The following LYPLAL1 variants were observed in gnomAD, a reference collection of about 807,000 sequenced individuals.
LYPLAL1 encodes the protein lysophospholipase like 1.
In LYPLAL1, 23 loss-of-function variants were observed where a neutral mutation model predicts 19.7. The observed-to-expected ratio is 1.17, with a 90% CI of 0.84 to 1.65. LYPLAL1 has a LOEUF of 1.65. LYPLAL1 is among the 40% of genes most tolerant of loss of function. LYPLAL1 has a pLI of 0.00. For missense variants in LYPLAL1, 355 were observed against 279.4 expected (o/e 1.27, Z -1.93); for synonymous variants, 119 against 96.3 (o/e 1.24, Z -1.38).
chr1:219,278,313 G>T, the LYPLAL1 span, among the ~76,000 whole-genome samples: 2 of 152,134 alleles, frequency 1.3e-5, no homozygotes, highest in East Asian at 3.9e-4. Context: ...GGCATCTTAA[G>T]TGGTACACAG....
At chr1:219,232,248 A>G in the LYPLAL1 span, among the ~76,000 whole-genome samples, 5 of 152,232 alleles carry the variant, frequency 3.3e-5, no homozygotes. Flanking sequence ...CTATAACTCA[A>G]CAGTAATGCC....
the LYPLAL1 span, among the ~76,000 whole-genome samples, chr1:219,256,254 T>C: frequency 6.6e-6 from 1 of 151,928 alleles, no homozygotes; most frequent in African/African-American, 2.4e-5. Context: ...TTTAATTTTC[T>C]ATTTATCCTT....
At chr1:219,203,356 A>T (rs1658277734) in intron 3 of LYPLAL1, among the ~76,000 whole-genome samples, 1 of 151,754 alleles carries the variant, frequency 6.6e-6, no homozygotes, top group Non-Finnish European at 1.5e-5. Context: ...TAGCTTGGAC[A>T]GGTCAAAAAT....
At chr1:219,203,325 A>G (rs961774549) in intron 3 of LYPLAL1, among the ~76,000 whole-genome samples, 4 of 150,266 alleles carry the variant, frequency 2.7e-5, no homozygotes, top group Non-Finnish European at 4.4e-5. Context: ...GTGATCTTCT[A>G]CCTTTTCTAG....
chr1:219,413,120 G>A, the LYPLAL1 span, among the ~76,000 whole-genome samples: 1 of 151,920 alleles, frequency 6.6e-6, no homozygotes, highest in African/African-American at 2.4e-5. Context: ...CTCATGTGTT[G>A]AAGAAAAATT....
the LYPLAL1 span, among the ~76,000 whole-genome samples, chr1:219,304,644 G>C: frequency 6.6e-6 from 1 of 152,146 alleles, no homozygotes; most frequent in Non-Finnish European, 1.5e-5. Context: ...ATATAAAGTC[G>C]TGTATAATTA....
At chr1:219,273,830 C>T in the LYPLAL1 span, among the ~76,000 whole-genome samples, 252 of 152,170 alleles carry the variant, frequency 1.7e-3, 2 homozygotes, top group African/African-American at 5.9e-3. Flanking sequence ...GGCAAGATCT[C>T]GGCTCACTGC....
At chr1:219,395,456 A>C in the LYPLAL1 span, among the ~76,000 whole-genome samples, 1 of 151,950 alleles carries the variant, frequency 6.6e-6, no homozygotes, top group Non-Finnish European at 1.5e-5. Context: ...TCCTTTGCCC[A>C]CTTTTTAGTG....
chr1:219,317,259 A>G, the LYPLAL1 span, among the ~76,000 whole-genome samples: 1 of 152,202 alleles, frequency 6.6e-6, no homozygotes, highest in African/African-American at 2.4e-5. Flanking sequence ...TTAGCATGTC[A>G]GCAAGGACTT....
chr1:219,386,146 A>G, the LYPLAL1 span, among the ~76,000 whole-genome samples: 2 of 152,160 alleles, frequency 1.3e-5, no homozygotes, highest in African/African-American at 4.8e-5. Context: ...CTCTAGCTCA[A>G]ATGTAAAATG....
At chr1:219,278,137 T>C in the LYPLAL1 span, among the ~76,000 whole-genome samples, 2 of 152,222 alleles carry the variant, frequency 1.3e-5, no homozygotes, top group African/African-American at 2.4e-5. Context: ...AGGCCCAGAT[T>C]GTTGTGTAAG....
At chr1:219,322,163 A>G in the LYPLAL1 span, among the ~76,000 whole-genome samples, 3 of 152,188 alleles carry the variant, frequency 2.0e-5, no homozygotes, top group Non-Finnish European at 4.4e-5. Flanking sequence ...CAGTACAATT[A>G]TGGCCAGGTT....
chr1:219,194,597 CT>C (rs1657457662), intron 3 of LYPLAL1, among the ~76,000 whole-genome samples: 1 of 151,978 alleles, frequency 6.6e-6, no homozygotes, highest in Non-Finnish European at 1.5e-5. Context: ...TAACTAATAG[CT>C]TTTCAAAGCC....
chr1:219,303,133 G>C, the LYPLAL1 span, among the ~76,000 whole-genome samples: 5 of 152,046 alleles, frequency 3.3e-5, no homozygotes, highest in Admixed American at 1.3e-4. Context: ...ATCTTCCCTA[G>C]GTCTTCCCTT....
chr1:219,401,668 C>A, the LYPLAL1 span, among the ~76,000 whole-genome samples: 1 of 151,974 alleles, frequency 6.6e-6, no homozygotes, highest in Non-Finnish European at 1.5e-5. Context: ...GGTATGCCAG[C>A]AAAATATTAT....
chr1:219,443,055 C>A, the LYPLAL1 span, among the ~76,000 whole-genome samples: 2 of 150,778 alleles, frequency 1.3e-5, no homozygotes, highest in Non-Finnish European at 2.9e-5. Context: ...TAAAATAATG[C>A]TATGCAATTT....
chr1:219,408,512 G>A, the LYPLAL1 span, among the ~76,000 whole-genome samples: 3 of 152,042 alleles, frequency 2.0e-5, no homozygotes, highest in Non-Finnish European at 2.9e-5. Context: ...CCAGAGTCAT[G>A]TTTTCACAGT....
At chr1:219,409,741 C>T in the LYPLAL1 span, 1 of 152,176 alleles carries the variant, frequency 6.6e-6, no homozygotes, top group Non-Finnish European at 1.5e-5. Context: ...TGTTTCCAGC[C>T]AGCAGAAGGG....
chr1:219,241,134 C>CTATATATATATATATATATATATATA, the LYPLAL1 span, among the ~76,000 whole-genome samples: 3 of 44,364 alleles, frequency 6.8e-5, no homozygotes, highest in Non-Finnish European at 8.6e-5. Context: ...CTCTCTCTCT[C>CTATATATATATATATATATATATATA]TATATATATA....
Sources: gnomAD v4.1 joint callset for allele counts (sites outside exome capture counted in the v4.1 genomes callset) on GRCh38, gnomAD v4.1.1 for gene constraint, MANE v1.5 for transcripts, NCBI Gene and HGNC (gene_info 2026-07-23, HGNC 2026-07-21) for gene names.